ATP2C2: variants seen among roughly 807,000 people sequenced by gnomAD.
ATP2C2 encodes ATPase secretory pathway Ca2+ transporting 2.
ATP2C2 carries 171 observed loss-of-function variants against 110.8 expected under a neutral mutation model. That is an observed-to-expected ratio of 1.54 (90% CI 1.36 to 1.75). The LOEUF is 1.75. Among genes scored for constraint, ATP2C2 ranks in the 40% most tolerant of loss-of-function variants. The pLI, the probability that ATP2C2 is intolerant of heterozygous loss-of-function variation, is 0.00. For missense variants in ATP2C2, 1,963 were observed against 1,235.0 expected (o/e 1.59, Z -8.84); for synonymous variants, 804 against 508.4 (o/e 1.58, Z -7.82).
chr16:84,422,214 A>G (rs1177320437), intron 7 of ATP2C2, among the ~76,000 whole-genome samples, 176 bp from the exon 8 acceptor site: 2 of 152,166 alleles, frequency 1.3e-5, no homozygotes, highest in African/African-American at 4.8e-5. Flanking sequence ...GAGGCCGCTC[A>G]TTCAAAGCTT....
chr16:84,387,933 T>C (rs1904412694), intron 1 of ATP2C2, among the ~76,000 whole-genome samples: 1 of 151,158 alleles, frequency 6.6e-6, no homozygotes, highest in African/African-American at 2.4e-5. Context: ...CCTATTTTTT[T>C]TTTTTTAATA....
chr16:84,418,501 A>G (rs969111977), intron 7 of ATP2C2, among the ~76,000 whole-genome samples: 2 of 152,096 alleles, frequency 1.3e-5, no homozygotes, highest in African/African-American at 4.8e-5. Context: ...TTTTCAGTAT[A>G]ACAGGTCTAT....
chr16:84,461,560 C>T (rs962043130), intron 24 of ATP2C2, 154 bp from the exon 25 acceptor site: 3 of 728,766 alleles, frequency 4.1e-6, no homozygotes, highest in African/African-American at 3.5e-5. Flanking sequence ...CAGCCACTGA[C>T]CTCACACCTG....
chr16:84,398,473 A>G, intron 1 of ATP2C2, 26 bp from the exon 2 acceptor site: 1 of 1,520,052 alleles, frequency 6.6e-7, no homozygotes, highest in East Asian at 2.3e-5. Flanking sequence ...TCAATCCGCT[A>G]AACAGCAACC....
chr16:84,396,244 G>C (rs998231925), intron 1 of ATP2C2, among the ~76,000 whole-genome samples: 2 of 150,882 alleles, frequency 1.3e-5, no homozygotes, highest in African/African-American at 4.9e-5. Context: ...GTGTGTGTGA[G>C]ATGGGATTTA....
In ATP2C2 at chr16:84,389,405, G is replaced by C. The variant is rs1417232334; in HGVS notation, c.100-9094G>C. Among the ~76,000 whole-genome samples, 3 of 152,196 alleles carry C rather than the reference G, an allele frequency of 2.0e-5. No individual in the cohort carries two copies. The South Asian group carries it at 6.2e-4, about 31-fold the overall frequency. The stretch of plus-strand genomic sequence containing the variant: ...ACCACGCGAGTTTTGAGCATCTCTC[G>C]GCTTGTTCATGCCTCTGGTGTCGTC... On this transcript the variant is annotated intron_variant, in intron 1 of 26. Transcript: ENST00000262429.
intron 24 of ATP2C2, 47 bp from the exon 25 acceptor site, chr16:84,461,667 G>C: frequency 2.6e-6 from 4 of 1,553,158 alleles, no homozygotes; most frequent in Non-Finnish European, 3.6e-6. Flanking sequence ...TCAGGATGGA[G>C]GTTGTCTCTT....
chr16:84,423,188 A>T lies in ATP2C2; in HGVS notation c.844A>T (p.Thr282Ser). The T allele has an allele frequency of 6.2e-7, 1 of 1,613,898 alleles. No individual in the cohort carries two copies. Among genetic ancestry groups the T allele is most frequent in the South Asian group, 1.1e-5 (1 of 91,078 alleles). Residue 282 changes from threonine to serine, a missense_variant and splice_region_variant, in exon 10 of 27, where the codon ACA becomes TCA. Physicochemically the swap from Thr to Ser is moderately conservative, Grantham distance 58 (BLOSUM62 1). Transcript: ENST00000262429. ...EVFKMMQAEE[T>S]PKTPLQKSMD... ...TAACCCATTGTGCTCACCCTTTCAG[A>T]CACCTAAAACTCCTTTGCAGAAAAG...
chr16:84,434,242 C>T (rs922726368), intron 11 of ATP2C2, among the ~76,000 whole-genome samples: 1 of 151,164 alleles, frequency 6.6e-6, no homozygotes, highest in Non-Finnish European at 1.5e-5. Flanking sequence ...ATTGTGAAAC[C>T]CCGTCTCTAC....
Position 84,422,673 on chromosome 16 carries a change from G to GT in ATP2C2, c.822dup (p.Lys275Ter), listed in dbSNP as rs1478238034. The GT allele has an allele frequency of 1.2e-6, 2 of 1,613,300 alleles. No individual in the cohort carries two copies. The highest frequency in any genetic ancestry group is 1.1e-5 in the South Asian group (1 of 90,970). ...GGGAAAGCTCTCAGTTCGGAGAAGTGTTTAAGATGATGCAGGCTGAAGAGG... is the reference window on the plus strand; with the variant it reads ...GGGAAAGCTCTCAGTTCGGAGAAGTGTTTTAAGATGATGCAGGCTGAAGAGG... On this transcript the variant is annotated frameshift_variant, in exon 9 of 27. Coordinates refer to ENST00000262429, the MANE Select transcript of ATP2C2 (RefSeq NM_014861.4). LOFTEE classifies it high-confidence loss of function.
chr16:84,407,172 C>T (rs1905849426), intron 3 of ATP2C2: 12 of 152,170 alleles, frequency 7.9e-5, no homozygotes, highest in Admixed American at 7.9e-4. Context: ...TGTGATTCTC[C>T]TATCTTTCCC....
At position 84,415,514 on chromosome 16, in the gene ATP2C2, G is replaced by T. The variant is rs780481460; in HGVS notation, c.547G>T (p.Ala183Ser). 1 of 1,614,128 alleles carries T rather than the reference G, an allele frequency of 6.2e-7. No homozygotes were observed. The highest frequency in any genetic ancestry group is 8.5e-7 in the Non-Finnish European group (1 of 1,180,024). ...LREGKLQHLL[A>S]RELVPGDVVS... ...AGAAGGAAAACTCCAGCACCTGCTT[G>T]CTCGAGAACTGGTTCCTGGTGATGT... Residue 183 changes from alanine to serine, a missense_variant, in exon 7 of 27, where the codon GCT becomes TCT. Physicochemically the swap from Ala to Ser is moderately conservative, Grantham distance 99. Coordinates refer to ENST00000262429, the MANE Select transcript of ATP2C2 (RefSeq NM_014861.4).
chr16:84,391,757 G>C (rs73243705), intron 1 of ATP2C2, among the ~76,000 whole-genome samples: 2 of 152,082 alleles, frequency 1.3e-5, no homozygotes, highest in East Asian at 3.9e-4. Flanking sequence ...AACAAATTTC[G>C]GTTGTTTTAA....
At chr16:84,401,353 T>C (rs1263740272) in intron 2 of ATP2C2, among the ~76,000 whole-genome samples, 1 of 151,772 alleles carries the variant, frequency 6.6e-6, no homozygotes, top group Non-Finnish European at 1.5e-5. Flanking sequence ...CCTCCTGTAG[T>C]AGCTGGGATT....
Position 84,442,571 on chromosome 16 carries a change from A to T in ATP2C2, c.1373A>T (p.Glu458Val). The part of the protein sequence containing the change: ...RKNAVMGQPT[E>V]GALMALAMKM... Reference sequence around the variant, plus strand: ...AACGCCGTGATGGGGCAGCCCACCGAGGGTGCATTGATGGCCCTGGCGATG... The same window carrying T: ...AACGCCGTGATGGGGCAGCCCACCGTGGGTGCATTGATGGCCCTGGCGATG... Residue 458 changes from glutamate (E) to valine (V), a missense_variant, in exon 15 of 27, where the codon GAG (glutamate) becomes GTG (valine). Coordinates refer to ENST00000262429, the MANE Select transcript of ATP2C2 (RefSeq NM_014861.4). The T allele has an allele frequency of 6.2e-7, 1 of 1,614,094 alleles. No homozygotes were observed. The highest frequency in any genetic ancestry group is 8.5e-7 in the Non-Finnish European group (1 of 1,179,972).
chr16:84,453,123 C>T lies in ATP2C2; in HGVS notation c.1832-15C>T, dbSNP rs759141003. ...CGGGCCTCAGAGCAGGCCCTCAGAACAGGTTCTTCTGAAGGAAGAAACATC... is the reference window on the plus strand; with the variant it reads ...CGGGCCTCAGAGCAGGCCCTCAGAATAGGTTCTTCTGAAGGAAGAAACATC... On this transcript the variant is annotated splice_polypyrimidine_tract_variant and intron_variant, in intron 18 of 26. Transcript: ENST00000262429. The T allele has an allele frequency of 4.4e-6, 7 of 1,597,016 alleles. No individual in the cohort carries two copies. The highest frequency in any genetic ancestry group is 3.3e-4 in the Middle Eastern group (2 of 6,036).
Position 84,412,010 on chromosome 16 carries a change from T to TTTG in ATP2C2, c.515+1261_515+1263dup, listed in dbSNP as rs145342075. On this transcript the variant is annotated intron_variant, in intron 6 of 26. Coordinates refer to ENST00000262429, the MANE Select transcript of ATP2C2 (RefSeq NM_014861.4). ...CTTTCTTCCTTTCTTTCTTTTTCTT[T>TTTG]TTGTTGTTGTTGTTGTTGAGACAGG... 2.7e-3 allele frequency among the ~76,000 whole-genome samples: 406 copies of TTTG among 151,610 alleles called. 4 individuals are homozygous for TTTG. The highest frequency in any genetic ancestry group is 9.3e-3 in the African/African-American group (383 of 41,132).
intron 1 of ATP2C2, among the ~76,000 whole-genome samples, chr16:84,373,708 TAGAA>T (rs1017687974): frequency 6.6e-6 from 1 of 152,134 alleles, no homozygotes; most frequent in Admixed American, 6.6e-5. Flanking sequence ...ATTGGAATAG[TAGAA>T]AGAAATATTT....
chr16:84,374,698 G>T (rs1313539441), intron 1 of ATP2C2, among the ~76,000 whole-genome samples: 4 of 152,096 alleles, frequency 2.6e-5, no homozygotes, highest in African/African-American at 7.2e-5. Context: ...TTTCATTTGT[G>T]TGCACACAAA....
Sources: allele counts gnomAD v4.1 joint callset (sites outside exome capture counted in the v4.1 genomes callset), GRCh38; gene constraint gnomAD v4.1.1; transcripts MANE v1.5; gene names NCBI Gene and HGNC (gene_info 2026-07-23, HGNC 2026-07-21).